HS6ST3: variants seen among roughly 807,000 people sequenced by gnomAD.
The protein encoded by HS6ST3 is heparan-sulfate 6-O-sulfotransferase 3.
A neutral mutation model predicts 36.7 loss-of-function variants in HS6ST3; 12 were observed. That is an observed-to-expected ratio of 0.33 (90% confidence interval 0.21 to 0.53). The LOEUF is 0.53. HS6ST3 is among the 20% of genes least tolerant of loss of function. HS6ST3 has a pLI of 0.95. For synonymous variants in HS6ST3, 240 were observed against 257.5 expected (o/e 0.93, Z 0.65); for missense variants, 584 against 640.9 (o/e 0.91, Z 0.96).
At chr13:96,500,425 A>AT in intron 1 of HS6ST3, among the ~76,000 whole-genome samples, 1 of 152,130 alleles carries the variant, frequency 6.6e-6, no homozygotes, top group Non-Finnish European at 1.5e-5. Context: ...ATATATTTTA[A>AT]TTTTTCTTGG....
intron 1 of HS6ST3, among the ~76,000 whole-genome samples, chr13:96,425,737 C>G (rs1053759899): frequency 6.6e-6 from 1 of 151,978 alleles, no homozygotes; most frequent in Non-Finnish European, 1.5e-5. Context: ...CTCTACTAAC[C>G]CCAGACCGTC....
chr13:96,695,512 C>T (rs1263196418), intron 1 of HS6ST3, among the ~76,000 whole-genome samples: 1 of 152,066 alleles, frequency 6.6e-6, no homozygotes, highest in Admixed American at 6.6e-5. Flanking sequence ...TAGTTCACTG[C>T]AGCTCGAATT....
At chr13:96,619,009 T>G (rs768960920) in intron 1 of HS6ST3, among the ~76,000 whole-genome samples, 47 of 152,070 alleles carry the variant, frequency 3.1e-4, no homozygotes, top group Non-Finnish European at 8.8e-5. Flanking sequence ...AGTTGGGTTT[T>G]TTTTTTTTTA....
intron 1 of HS6ST3, among the ~76,000 whole-genome samples, chr13:96,464,138 C>CAAAAAAAA (rs67305199): frequency 0.021 from 829 of 38,722 alleles, 82 homozygotes; most frequent in Middle Eastern, 0.053. Flanking sequence ...TGTCAGGCCT[C>CAAAAAAAA]AAAAAAAAAA....
At chr13:96,780,835 G>C (rs1416271885) in intron 1 of HS6ST3, among the ~76,000 whole-genome samples, 4 of 151,996 alleles carry the variant, frequency 2.6e-5, no homozygotes, top group African/African-American at 9.7e-5. Context: ...GGACAAGCTG[G>C]TCTGGCAGAA....
intron 1 of HS6ST3, among the ~76,000 whole-genome samples, chr13:96,412,149 C>A (rs1212159180): frequency 1.3e-5 from 2 of 152,076 alleles, no homozygotes; most frequent in African/African-American, 2.4e-5. Context: ...GGACTACAGG[C>A]ACGCACCACC....
intron 1 of HS6ST3, among the ~76,000 whole-genome samples, chr13:96,625,333 C>T (rs2056508490): frequency 6.6e-6 from 1 of 152,124 alleles, no homozygotes; most frequent in Admixed American, 6.5e-5. Flanking sequence ...ACAAGTCCTT[C>T]CAGTCCCCTA....
intron 1 of HS6ST3, among the ~76,000 whole-genome samples, chr13:96,716,312 C>A (rs569035871): frequency 1.3e-5 from 2 of 152,056 alleles, no homozygotes; most frequent in East Asian, 3.9e-4. Context: ...TGTCTAAAGC[C>A]TAGAAGAAAT....
intron 1 of HS6ST3, among the ~76,000 whole-genome samples, chr13:96,776,991 C>T (rs563057286): frequency 1.1e-4 from 17 of 151,994 alleles, no homozygotes; most frequent in African/African-American, 4.1e-4. Flanking sequence ...AGCTTATCCA[C>T]CACGATTAAG....
In HS6ST3 at chr13:96,833,611, T is replaced by C. The variant is rs537332283; in HGVS notation, c.*413T>C. ...TGGTCTATGTCATACTGTCTCCTGT[T>C]ATGAGAATATCAGTTGGTATAAAGA... On this transcript the variant is annotated 3_prime_UTR_variant, in exon 2 of 2. Transcript: ENST00000376705. 1.3e-4 allele frequency: 22 copies of C among 168,302 alleles called. 1 individual carries two copies. The highest frequency in any genetic ancestry group is 5.0e-4 in the African/African-American group (21 of 42,002). The allele number at this position is 168,302 out of a possible 1,614,324, so 10.4% of individuals were successfully genotyped here.
intron 1 of HS6ST3, among the ~76,000 whole-genome samples, 165 bp downstream of exon 1, chr13:96,091,734 T>A (rs1426601701): frequency 6.6e-6 from 1 of 151,950 alleles, no homozygotes; most frequent in East Asian, 1.9e-4. Context: ...CTCCGGATAG[T>A]GCCTAGGTCC....
intron 1 of HS6ST3, among the ~76,000 whole-genome samples, chr13:96,474,680 A>G (rs1022886972): frequency 2.0e-5 from 3 of 152,222 alleles, no homozygotes; most frequent in African/African-American, 7.2e-5. Context: ...ATCGGCTCCA[A>G]TGAAGAGAAA....
At chr13:96,156,409 A>G (rs1468082564) in intron 1 of HS6ST3, among the ~76,000 whole-genome samples, 1 of 152,204 alleles carries the variant, frequency 6.6e-6, no homozygotes, top group East Asian at 1.9e-4. Context: ...AAATCCAGAG[A>G]GTGAAAGGTA....
chr13:96,738,303 T>G (rs1295627423), intron 1 of HS6ST3, among the ~76,000 whole-genome samples: 1 of 152,192 alleles, frequency 6.6e-6, no homozygotes, highest in Non-Finnish European at 1.5e-5. Flanking sequence ...CTCTTTCACC[T>G]GCACCCACAC....
chr13:96,246,500 A>G (rs2054585543), intron 1 of HS6ST3, among the ~76,000 whole-genome samples: 2 of 152,186 alleles, frequency 1.3e-5, no homozygotes, highest in Non-Finnish European at 2.9e-5. Flanking sequence ...ATCAGGGCTT[A>G]CTGAAGTTGA....
chr13:96,511,029 G>A (rs2056047748), intron 1 of HS6ST3, among the ~76,000 whole-genome samples: 1 of 151,990 alleles, frequency 6.6e-6, no homozygotes, highest in Non-Finnish European at 1.5e-5. Flanking sequence ...GGGATGCTTT[G>A]GAAACTGAAA....
chr13:96,327,921 T>G (rs989816635), intron 1 of HS6ST3, among the ~76,000 whole-genome samples: 4 of 140,804 alleles, frequency 2.8e-5, no homozygotes, highest in East Asian at 2.1e-4. Context: ...GATTCCTAGG[T>G]ATTTTATTCT....
chr13:96,347,243 A>T (rs766103351), intron 1 of HS6ST3, among the ~76,000 whole-genome samples: 1 of 152,186 alleles, frequency 6.6e-6, no homozygotes, highest in Non-Finnish European at 1.5e-5. Flanking sequence ...ACAGAAATAG[A>T]TAATGGATGC....
At chr13:96,158,752 A>G (rs1380044939) in intron 1 of HS6ST3, among the ~76,000 whole-genome samples, 1 of 151,338 alleles carries the variant, frequency 6.6e-6, no homozygotes, top group African/African-American at 2.4e-5. Flanking sequence ...AGTGAGCCCC[A>G]GGGACAGTGT....
Sources: gnomAD v4.1 joint callset for allele counts (sites outside exome capture counted in the v4.1 genomes callset) on GRCh38, gnomAD v4.1.1 for gene constraint, MANE v1.5 for transcripts, NCBI Gene and HGNC (gene_info 2026-07-23, HGNC 2026-07-21) for gene names.